Variants in SLC9A9 observed in about 807,000 individuals in gnomAD.
SLC9A9 encodes the protein solute carrier family 9 member A9.
Under a neutral mutation model 77.8 loss-of-function variants are expected in SLC9A9, and 62 were observed. The ratio of observed to expected loss-of-function variants is 0.80; its 90% CI spans 0.65 to 0.98. The LOEUF is 0.98. Ranked by LOEUF, SLC9A9 falls within the 50% of genes least tolerant of loss-of-function variation. The pLI is 0.00. For synonymous variants in SLC9A9, 320 were observed against 283.5 expected (o/e 1.13, Z -1.29); for missense variants, 775 against 774.9 (o/e 1.00, Z 0.00).
Position 143,725,762 on chromosome 3 carries a change from G to A in SLC9A9, c.534-32455C>T, listed in dbSNP as rs557875721. 8.5e-4 allele frequency among the ~76,000 whole-genome samples: 127 copies of A among 149,076 alleles called. 1 individual carries two copies. The highest frequency in any genetic ancestry group is 3.4e-3 in the Middle Eastern group (1 of 294). ...GGGGTGGGGGGAGGGGGGAGAGATA[G>A]CATTAGGAGATATACCTAATGCTAA... On this transcript the variant is annotated intron_variant, in intron 4 of 15. Coordinates refer to ENST00000316549, the MANE Select transcript of SLC9A9 (RefSeq NM_173653.4).
chr3:143,312,723 T>C (rs927543185), intron 14 of SLC9A9, among the ~76,000 whole-genome samples: 1 of 152,228 alleles, frequency 6.6e-6, no homozygotes, highest in Non-Finnish European at 1.5e-5. Context: ...GGCCACCACC[T>C]GTTCATCCTT....
chr3:143,812,568 T>C (rs962266956), intron 2 of SLC9A9, among the ~76,000 whole-genome samples: 15 of 152,190 alleles, frequency 9.9e-5, no homozygotes, highest in African/African-American at 2.2e-4. Flanking sequence ...TGGTCAGACA[T>C]GTAGACTACA....
At chr3:143,663,949 G>A (rs2039021132) in intron 5 of SLC9A9, among the ~76,000 whole-genome samples, 1 of 152,082 alleles carries the variant, frequency 6.6e-6, no homozygotes, top group Non-Finnish European at 1.5e-5. Context: ...AGCAAGGCAG[G>A]CCAACATTCA....
chr3:143,268,937 T>C lies in SLC9A9; in HGVS notation c.1648A>G (p.Thr550Ala), dbSNP rs1239258149. 1 of 1,613,672 alleles carries C rather than the reference T, an allele frequency of 6.2e-7. No individual in the cohort carries two copies. The highest frequency in any genetic ancestry group is 8.5e-7 in the Non-Finnish European group (1 of 1,179,758). Residue 550 changes from threonine to alanine, a missense_variant, in exon 15 of 16, where the codon ACA (threonine) becomes GCA (alanine). Transcript: ENST00000316549. The part of the protein sequence containing the change: ...ILTHSGPPLT[T>A]TLPEWCGPIS... ...GGACCACACCATTCAGGTAATGTTG[T>C]AGTCAGCGGAGGACCAGAGTGGGTT...
At chr3:143,722,853 T>C (rs1468715399) in intron 4 of SLC9A9, among the ~76,000 whole-genome samples, 1 of 152,234 alleles carries the variant, frequency 6.6e-6, no homozygotes, top group Non-Finnish European at 1.5e-5. Context: ...TATTTTAATA[T>C]TTGCTGAGTA....
intron 1 of SLC9A9, 46 bp downstream of exon 1, chr3:143,848,102 G>C: frequency 1.3e-6 from 2 of 1,560,360 alleles, no homozygotes; most frequent in Non-Finnish European, 1.8e-6. Flanking sequence ...CTCTAATTAC[G>C]CTCAAGCAAC....
At chr3:143,722,584 G>A (rs112849426) in intron 4 of SLC9A9, among the ~76,000 whole-genome samples, 2,738 of 151,154 alleles carry the variant, frequency 0.018, 73 homozygotes, top group African/African-American at 0.062. Flanking sequence ...CAAAAGCTGC[G>A]GAATTCACGT....
At chr3:143,595,729 T>C (rs1395405117) in intron 6 of SLC9A9, among the ~76,000 whole-genome samples, 1 of 152,134 alleles carries the variant, frequency 6.6e-6, no homozygotes, top group East Asian at 1.9e-4. Flanking sequence ...AAAGGATATA[T>C]GGGAATAAAC....
At position 143,466,949 on chromosome 3, in the gene SLC9A9, T is replaced by G. The variant is rs866630840; in HGVS notation, c.1469+88A>C. The G allele has an allele frequency of 2.0e-6, 3 of 1,505,040 alleles. No individual in the cohort carries two copies. The Admixed American group carries it at 5.8e-5, about 29-fold the overall frequency. 93.2% of individuals were successfully genotyped at this position (1,505,040 alleles called of 1,614,324 possible). A position where few individuals can be genotyped will look rare whatever the true frequency, so the allele number is the denominator to read the frequency against. ...GGAAAGTTAGGGTAGGACCTGCCAC[T>G]GTACTATTGACTAAGTCAGCAATAC... On this transcript the variant is annotated intron_variant, in intron 12 of 15. Transcript: ENST00000316549.
At chr3:143,591,063 T>C (rs1486434794) in intron 6 of SLC9A9, among the ~76,000 whole-genome samples, 1 of 152,100 alleles carries the variant, frequency 6.6e-6, no homozygotes. Context: ...TAAACCCCAC[T>C]CCCATTATAA....
intron 6 of SLC9A9, among the ~76,000 whole-genome samples, chr3:143,642,924 T>A (rs1379964683): frequency 6.6e-6 from 1 of 152,212 alleles, no homozygotes; most frequent in East Asian, 1.9e-4. Context: ...CTCCACTGTT[T>A]ACCTCTTTAG....
intron 14 of SLC9A9, among the ~76,000 whole-genome samples, chr3:143,347,852 G>A (rs1052851459): frequency 5.3e-5 from 8 of 152,040 alleles, no homozygotes; most frequent in Non-Finnish European, 1.0e-4. Flanking sequence ...TGATACGGGG[G>A]ATGCCATTAG....
At chr3:143,413,948 C>T (rs919183900) in intron 12 of SLC9A9, among the ~76,000 whole-genome samples, 5 of 152,240 alleles carry the variant, frequency 3.3e-5, no homozygotes, top group African/African-American at 1.2e-4. Context: ...CCATTAAACA[C>T]ACTGTCACCT....
intron 13 of SLC9A9, among the ~76,000 whole-genome samples, chr3:143,368,949 T>TA (rs1260975919): frequency 1.3e-5 from 2 of 152,190 alleles, no homozygotes; most frequent in Admixed American, 6.5e-5. Context: ...AAGCAGTTTA[T>TA]AAAAATATTC....
intron 5 of SLC9A9, among the ~76,000 whole-genome samples, chr3:143,659,991 G>A (rs1455371392): frequency 1.3e-5 from 2 of 152,214 alleles, no homozygotes; most frequent in East Asian, 1.9e-4. Context: ...GCCTGCCACC[G>A]TGTAAGACGT....
At position 143,306,574 on chromosome 3, in the gene SLC9A9, C is replaced by T. The variant is rs563756367; in HGVS notation, c.1605-37594G>A. Among the ~76,000 whole-genome samples, 14 of 152,246 alleles carry T rather than the reference C, an allele frequency of 9.2e-5. 1 individual carries two copies. Among genetic ancestry groups the T allele is most frequent in the African/African-American group, 3.1e-4 (13 of 41,552 alleles). The stretch of plus-strand genomic sequence containing the variant: ...GGACAATGTTCTTTTTGATGAATCA[C>T]CAGGGCCTGGCACAGTGATAGGTAC... On this transcript the variant is annotated intron_variant, in intron 14 of 15. Transcript: ENST00000316549.
chr3:143,305,514 G>A (rs2030742537), intron 14 of SLC9A9, among the ~76,000 whole-genome samples: 1 of 152,206 alleles, frequency 6.6e-6, no homozygotes, highest in Non-Finnish European at 1.5e-5. Flanking sequence ...AAGTCCCAAA[G>A]GCAATATTGT....
chr3:143,414,614 T>C (rs570569449), intron 12 of SLC9A9, among the ~76,000 whole-genome samples: 2 of 152,354 alleles, frequency 1.3e-5, no homozygotes, highest in South Asian at 4.1e-4. Flanking sequence ...ACCACAGACA[T>C]TGCCCATAAA....
intron 1 of SLC9A9, chr3:143,847,527 G>T (rs1387596612): frequency 5.9e-5 from 9 of 152,752 alleles, no homozygotes; most frequent in Non-Finnish European, 2.9e-5. Flanking sequence ...CACTAGCAAT[G>T]ATCATTATAA....
Sources: gnomAD v4.1 joint callset for allele counts (sites outside exome capture counted in the v4.1 genomes callset) on GRCh38, gnomAD v4.1.1 for gene constraint, MANE v1.5 for transcripts, NCBI Gene and HGNC (gene_info 2026-07-23, HGNC 2026-07-21) for gene names.